The following FAM3C variants were observed in gnomAD, a reference collection of about 807,000 sequenced individuals.
FAM3C encodes protein FAM3C.
A neutral mutation model predicts 32.5 loss-of-function variants in FAM3C; 15 were observed. The observed-to-expected ratio is 0.46, with a 90% CI of 0.31 to 0.71. The LOEUF is 0.71. Ranked by LOEUF, FAM3C falls within the 30% of genes least tolerant of loss-of-function variation. FAM3C has a pLI of 0.05. For synonymous variants in FAM3C, 75 were observed against 86.1 expected (o/e 0.87, Z 0.72); for missense variants, 175 against 274.4 (o/e 0.64, Z 2.56).
chr7:121,359,940 G>A, intron 8 of FAM3C, 103 bp downstream of exon 8: 1 of 691,510 alleles, frequency 1.4e-6, no homozygotes, highest in Non-Finnish European at 2.6e-6. Flanking sequence ...TTACCTGGTA[G>A]TTTGATTACT....
At chr7:121,351,047 C>A in intron 9 of FAM3C, 96 bp downstream of exon 9, 5 of 1,079,002 alleles carry the variant, frequency 4.6e-6, no homozygotes, top group South Asian at 3.4e-5. Context: ...ATTTACTATC[C>A]GCTTTATCTA....
In FAM3C at chr7:121,382,952, CT is replaced by C; in HGVS notation, c.13+4del. 1 of 1,598,550 alleles carries C rather than the reference CT, an allele frequency of 6.3e-7. No individual in the cohort carries two copies. Among genetic ancestry groups the C allele is most frequent in the Non-Finnish European group, 8.6e-7 (1 of 1,169,276 alleles). On this transcript the variant is annotated splice_donor_region_variant and intron_variant, in intron 2 of 9. Transcript: ENST00000359943. ...CAATTACTTCTACTAAATTAAATATCTTACCTGCTACCCTCATGTTTGGTTT... is the reference window on the plus strand; with the variant it reads ...CAATTACTTCTACTAAATTAAATATCTACCTGCTACCCTCATGTTTGGTTT...
rs923885061 is a variant in FAM3C, at chr7:121,372,042, T to C, written c.148+68A>G. ...TCCTCATACTGAACTACTGACACTT[T>C]GAATATAAGCTCTCATATGCCTAAG... is the stretch of plus-strand genomic sequence containing the variant. On this transcript the variant is annotated intron_variant, in intron 4 of 9. Transcript: ENST00000359943. 8.6e-6 allele frequency: 10 copies of C among 1,168,860 alleles called. No individual in the cohort carries two copies. The East Asian group carries it at 1.9e-4, about 23-fold the overall frequency. The allele number at this position is 1,168,860 out of a possible 1,614,324, so 72.4% of individuals were successfully genotyped here.
intron 1 of FAM3C, among the ~76,000 whole-genome samples, chr7:121,395,350 AT>A (rs991531914): frequency 2.0e-5 from 3 of 151,584 alleles, no homozygotes; most frequent in Non-Finnish European, 4.4e-5. Context: ...CACCTGGCTA[AT>A]TTTTTTATTT....
intron 3 of FAM3C, among the ~76,000 whole-genome samples, chr7:121,374,746 C>T (rs909974648): frequency 6.6e-6 from 1 of 152,210 alleles, no homozygotes; most frequent in African/African-American, 2.4e-5. Flanking sequence ...AAATAACCAT[C>T]TGCCCTCATA....
At chr7:121,358,300 C>T (rs1793850930) in intron 8 of FAM3C, among the ~76,000 whole-genome samples, 1 of 151,928 alleles carries the variant, frequency 6.6e-6, no homozygotes, top group Non-Finnish European at 1.5e-5. Flanking sequence ...ATACAAATTT[C>T]TGTATAAATC....
chr7:121,392,897 G>A (rs1437111708), intron 1 of FAM3C, among the ~76,000 whole-genome samples: 3 of 152,142 alleles, frequency 2.0e-5, no homozygotes, highest in Admixed American at 1.3e-4. Context: ...ACTGATACCT[G>A]CTGATTTAGA....
At chr7:121,350,580 TA>T in intron 9 of FAM3C, 30 bp from the exon 10 acceptor site, 1 of 1,606,462 alleles carries the variant, frequency 6.2e-7, no homozygotes. Context: ...ATATACAGTT[TA>T]AAAAACCGTT....
rs1320676800 is a variant in FAM3C, at chr7:121,350,560, C to T, written c.595-10G>A. ...TATTGTTCTTTATGTGCTATTGGAA[C>T]ACAGTAATAATATACAGTTTAAAAA... On this transcript the variant is annotated splice_polypyrimidine_tract_variant and intron_variant, in intron 9 of 9. Transcript: ENST00000359943. 1 of 1,612,398 alleles carries T rather than the reference C, an allele frequency of 6.2e-7. No individual in the cohort carries two copies. Among genetic ancestry groups the T allele is most frequent in the African/African-American group, 1.3e-5 (1 of 74,828 alleles).
chr7:121,354,034 G>A (rs1189191391), intron 8 of FAM3C, among the ~76,000 whole-genome samples: 1 of 152,128 alleles, frequency 6.6e-6, no homozygotes, highest in East Asian at 1.9e-4. Context: ...ATCTGCCTAT[G>A]TAGAATTTGG....
chr7:121,370,916 C>A (rs535181579), intron 5 of FAM3C, among the ~76,000 whole-genome samples: 1 of 152,168 alleles, frequency 6.6e-6, no homozygotes, highest in Non-Finnish European at 1.5e-5. Context: ...ACCTGAACTG[C>A]GGTGACAGAT....
chr7:121,379,756 C>T (rs1794313357), intron 2 of FAM3C, among the ~76,000 whole-genome samples: 1 of 152,172 alleles, frequency 6.6e-6, no homozygotes, highest in South Asian at 2.1e-4. Context: ...CTACTGATAA[C>T]TACATGGGGA....
At chr7:121,353,550 T>C (rs1455669194) in intron 8 of FAM3C, among the ~76,000 whole-genome samples, 1 of 152,220 alleles carries the variant, frequency 6.6e-6, no homozygotes, top group Non-Finnish European at 1.5e-5. Context: ...TCCTATCATT[T>C]TCAAAACTGA....
intron 8 of FAM3C, among the ~76,000 whole-genome samples, chr7:121,355,849 G>C (rs1793797518): frequency 6.6e-6 from 1 of 152,156 alleles, no homozygotes; most frequent in Non-Finnish European, 1.5e-5. Context: ...TTAGACATAA[G>C]CATGACTTTG....
chr7:121,372,311 T>G (rs1363801302), intron 3 of FAM3C, among the ~76,000 whole-genome samples, 172 bp from the exon 4 acceptor site: 1 of 152,230 alleles, frequency 6.6e-6, no homozygotes, highest in East Asian at 1.9e-4. Context: ...TGTACATTCA[T>G]TATAAACTAT....
intron 8 of FAM3C, among the ~76,000 whole-genome samples, chr7:121,356,825 G>T (rs945047204): frequency 3.3e-5 from 5 of 152,068 alleles, no homozygotes; most frequent in African/African-American, 4.8e-5. Context: ...TATAACCAAA[G>T]AACAACTTAT....
At chr7:121,382,336 A>G (rs1794373867) in intron 2 of FAM3C, among the ~76,000 whole-genome samples, 1 of 152,188 alleles carries the variant, frequency 6.6e-6, no homozygotes, top group African/African-American at 2.4e-5. Context: ...AAACTCACCT[A>G]TGCAGATTAA....
At chr7:121,389,967 C>T (rs1794543423) in intron 1 of FAM3C, among the ~76,000 whole-genome samples, 2 of 152,148 alleles carry the variant, frequency 1.3e-5, no homozygotes, top group South Asian at 4.1e-4. Context: ...CCATATACAC[C>T]TAAGTTGCAT....
rs1279982651 is a variant in FAM3C, at chr7:121,349,845, T to C, written c.*616A>G. On this transcript the variant is annotated 3_prime_UTR_variant, in exon 10 of 10. Transcript: ENST00000359943. ...CCTAAATGCCATCTACATTTATATA[T>C]TTACTTTTTTACTGTGTACATTAAG... The C allele has an allele frequency of 6.7e-6, 1 of 149,098 alleles. No individual in the cohort carries two copies. The highest frequency in any genetic ancestry group is 2.0e-4 in the East Asian group (1 of 5,106). The allele number at this position is 149,098 out of a possible 1,614,324, so 9.2% of individuals were successfully genotyped here. A position where few individuals can be genotyped will look rare whatever the true frequency, so the allele number is the denominator to read the frequency against.
Sources: allele counts gnomAD v4.1 joint callset (sites outside exome capture counted in the v4.1 genomes callset), GRCh38; gene constraint gnomAD v4.1.1; transcripts MANE v1.5; gene names NCBI Gene and HGNC (gene_info 2026-07-23, HGNC 2026-07-21).